The following MBD5 variants were observed in gnomAD, a reference collection of about 807,000 sequenced individuals.
The protein encoded by MBD5 is methyl-CpG-binding domain protein 5.
A neutral mutation model predicts 117.3 loss-of-function variants in MBD5; 13 were observed. The ratio of observed to expected loss-of-function variants is 0.11; its 90% CI spans 0.07 to 0.18. The LOEUF (loss-of-function observed/expected upper bound fraction) is 0.18. Ranked by LOEUF, MBD5 falls within the 10% of genes least tolerant of loss-of-function variation. MBD5 has a pLI of 1.00. For missense variants in MBD5, 1,879 were observed against 2,093.8 expected, an observed-to-expected ratio of 0.90 and a Z score of 2.00; for synonymous variants, 727 against 766.4, an observed-to-expected ratio of 0.95 and a Z score of 0.85.
rs553534143 is a variant in MBD5 at position 148,508,259 on chromosome 2, A to G, written c.5037-1801A>G. Among the ~76,000 whole-genome samples the G allele has an allele frequency of 2.5e-3, 378 of 152,318 alleles. 1 individual carries two copies. The highest frequency in any genetic ancestry group is 3.8e-3 in the Non-Finnish European group (259 of 68,022). ...CCCCTTGAAACTGGAATGGGTAGGT[A>G]AAAGGAAGACAGTACATACATAATA... On this transcript the variant is annotated intron_variant, in intron 12 of 13. Transcript: ENST00000642680.
chr2:148,393,633 T>A (rs1704625434), intron 4 of MBD5, among the ~76,000 whole-genome samples: 1 of 152,206 alleles, frequency 6.6e-6, no homozygotes, highest in Non-Finnish European at 1.5e-5. Flanking sequence ...TAACTCAAGT[T>A]AACCAGATAT....
At chr2:148,137,609 G>A (rs1057216340) in intron 1 of MBD5, among the ~76,000 whole-genome samples, 3 of 152,086 alleles carry the variant, frequency 2.0e-5, no homozygotes, top group African/African-American at 2.4e-5. Flanking sequence ...TCAATCAATC[G>A]AATCGAGTCG....
chr2:148,235,314 A>C (rs901568351), intron 3 of MBD5, among the ~76,000 whole-genome samples: 16 of 152,104 alleles, frequency 1.1e-4, no homozygotes, highest in Non-Finnish European at 1.5e-5. Flanking sequence ...TTTTTCTTAC[A>C]TTTCCTTTCC....
intron 2 of MBD5, among the ~76,000 whole-genome samples, chr2:148,216,068 C>T (rs1699547335): frequency 6.6e-6 from 1 of 151,972 alleles, no homozygotes; most frequent in South Asian, 2.1e-4. Flanking sequence ...CAAGCTTATA[C>T]AAAAAGGGTA....
At chr2:148,492,064 A>C (rs1388559885) in intron 11 of MBD5, among the ~76,000 whole-genome samples, 1 of 151,890 alleles carries the variant, frequency 6.6e-6, no homozygotes, top group African/African-American at 2.4e-5. Context: ...GAATAAAGGC[A>C]TGTACTTTTA....
chr2:148,408,880 C>G (rs1198008191), intron 4 of MBD5, among the ~76,000 whole-genome samples: 3 of 151,904 alleles, frequency 2.0e-5, no homozygotes, highest in Non-Finnish European at 4.4e-5. Flanking sequence ...CAACCAGTCA[C>G]ATAGCATTTA....
intron 3 of MBD5, chr2:148,260,477 T>A (rs1700706755): frequency 6.5e-6 from 1 of 152,802 alleles, no homozygotes; most frequent in Non-Finnish European, 1.5e-5. Context: ...CTCATTAAAG[T>A]CATCCATGAG....
chr2:148,113,750 A>G (rs765994634), intron 1 of MBD5, among the ~76,000 whole-genome samples: 18 of 152,212 alleles, frequency 1.2e-4, no homozygotes, highest in Non-Finnish European at 2.4e-4. Flanking sequence ...AACATAACAC[A>G]CAAGTTTGAT....
chr2:148,377,827 A>G (rs576654049), intron 4 of MBD5, among the ~76,000 whole-genome samples: 27 of 152,298 alleles, frequency 1.8e-4, no homozygotes, highest in Admixed American at 5.2e-4. Context: ...AGAAACCTAC[A>G]AGAAGGTAAA....
chr2:148,335,542 G>T (rs1702764464), intron 3 of MBD5, among the ~76,000 whole-genome samples: 1 of 151,948 alleles, frequency 6.6e-6, no homozygotes, highest in African/African-American at 2.4e-5. Context: ...AACATAGCGA[G>T]CCCTCTTCTC....
intron 3 of MBD5, among the ~76,000 whole-genome samples, chr2:148,253,012 A>G (rs943389115): frequency 6.6e-6 from 1 of 152,180 alleles, no homozygotes; most frequent in East Asian, 1.9e-4. Context: ...GAAGGCCCAG[A>G]AATGGAAATC....
chr2:148,176,701 G>T (rs1041167658), intron 1 of MBD5, among the ~76,000 whole-genome samples: 13 of 151,904 alleles, frequency 8.6e-5, no homozygotes, highest in African/African-American at 1.2e-4. Flanking sequence ...GAGCCACTAC[G>T]CCCAGCAACA....
At chr2:148,295,455 G>A (rs1329176960) in intron 3 of MBD5, among the ~76,000 whole-genome samples, 1 of 151,928 alleles carries the variant, frequency 6.6e-6, no homozygotes, top group Admixed American at 6.6e-5. Flanking sequence ...TGGCTTTTGA[G>A]CTCCCTGCAT....
intron 7 of MBD5, among the ~76,000 whole-genome samples, chr2:148,467,424 T>C (rs1385630416): frequency 6.6e-6 from 1 of 152,088 alleles, no homozygotes; most frequent in African/African-American, 2.4e-5. Context: ...AAAAAGAGAA[T>C]ATGCAATTGG....
chr2:148,260,919 A>C (rs1299969734), intron 3 of MBD5, among the ~76,000 whole-genome samples: 1 of 152,216 alleles, frequency 6.6e-6, no homozygotes, highest in African/African-American at 2.4e-5. Flanking sequence ...GGCAAGCATG[A>C]AAACACATTC....
intron 1 of MBD5, among the ~76,000 whole-genome samples, chr2:148,105,626 C>CT (rs780947335): frequency 1.1e-4 from 17 of 151,962 alleles, no homozygotes; most frequent in Non-Finnish European, 2.2e-4. Flanking sequence ...TTTTTTAAGA[C>CT]TTTTTTCAGG....
chr2:148,078,856 C>T (rs572685184), intron 1 of MBD5, among the ~76,000 whole-genome samples: 28 of 152,196 alleles, frequency 1.8e-4, no homozygotes, highest in African/African-American at 6.5e-4. Context: ...GCCAATAATC[C>T]TGACTTTATG....
chr2:148,112,253 T>C (rs1696519397), intron 1 of MBD5, among the ~76,000 whole-genome samples: 1 of 152,234 alleles, frequency 6.6e-6, no homozygotes, highest in African/African-American at 2.4e-5. Context: ...TATGTGTTTG[T>C]GTACGCACAC....
rs1238860303 is a variant in MBD5, at chr2:148,282,091, C to G, written c.-680+48696C>G. ...TTTACTATATCTCTTATACTTTATT[C>G]TGTTATACTTTTTCAATAATATATC... On this transcript the variant is annotated intron_variant, in intron 3 of 13. Transcript: ENST00000642680. Among the ~76,000 whole-genome samples the G allele has an allele frequency of 2.0e-5, 3 of 151,962 alleles. No individual in the cohort carries two copies. In the East Asian group the frequency reaches 5.8e-4, roughly 29 times the overall value.
Sources: gnomAD v4.1 joint callset for allele counts (sites outside exome capture counted in the v4.1 genomes callset) on GRCh38, gnomAD v4.1.1 for gene constraint, MANE v1.5 for transcripts, NCBI Gene and HGNC (gene_info 2026-07-23, HGNC 2026-07-21) for gene names.